Variants in PTCRA observed in about 807,000 individuals in gnomAD.
The protein encoded by PTCRA is pre T cell antigen receptor alpha, also known as pre T-cell antigen receptor alpha.
In PTCRA, 9 loss-of-function variants were observed where a neutral mutation model predicts 13.4. That is an observed-to-expected ratio of 0.67 (90% CI 0.41 to 1.18). The LOEUF is 1.18. PTCRA is among the 50% of genes most tolerant of loss of function. The probability of loss-of-function intolerance (pLI) is 0.01; values close to 1 mark genes in which losing one functional copy is unlikely to be tolerated. For synonymous variants in PTCRA, 153 were observed against 161.9 expected, an observed-to-expected ratio of 0.94 and a Z score of 0.42; for missense variants, 353 against 359.8, an observed-to-expected ratio of 0.98 and a Z score of 0.15.
chr6:42,917,385 G>C (rs1249052702), intron 1 of PTCRA, among the ~76,000 whole-genome samples: 9 of 148,606 alleles, frequency 6.1e-5, no homozygotes. Context: ...ACCACGCCCA[G>C]CTAATTTTTT....
Position 42,925,741 on chromosome 6 carries a change from A to G in PTCRA, c.*59A>G. The G allele has an allele frequency of 8.0e-7, 1 of 1,251,854 alleles. No individual in the cohort carries two copies. The highest frequency in any genetic ancestry group is 1.1e-6 in the Non-Finnish European group (1 of 922,600). The allele number at this position is 1,251,854 out of a possible 1,614,324, so 77.5% of individuals were successfully genotyped here. On this transcript the variant is annotated 3_prime_UTR_variant, in exon 4 of 4. Transcript: ENST00000304672. This position sits in a 1 kb window ranked among gnomAD's most constrained non-coding sequence, Gnocchi z 4.4. Reference sequence around the variant, plus strand: ...GTGAGGCTGTGTCTCTGCCATCCAAAAGGGGGCCCCTTGAGAATGGTGATC... The same window carrying G: ...GTGAGGCTGTGTCTCTGCCATCCAAGAGGGGGCCCCTTGAGAATGGTGATC...
chr6:42,925,443 G>C lies in PTCRA; in HGVS notation c.607G>C (p.Gly203Arg), dbSNP rs1243744054. The C allele has an allele frequency of 1.9e-6, 3 of 1,555,482 alleles. No homozygotes were observed. The highest frequency in any genetic ancestry group is 1.9e-5 in the Admixed American group (1 of 51,560). Residue 203 changes from glycine (G) to arginine (R), a missense_variant, in exon 4 of 4, where the codon GGG (glycine) becomes CGG (arginine). Transcript: ENST00000304672. This position sits in a 1 kb window ranked among gnomAD's most constrained non-coding sequence, Gnocchi z 4.4. ...TCGACTGCACCCGGCCACGGAGACT[G>C]GGGGACGAGAGGCCACCAGCTCACC... ...SHRLHPATET[G>R]GREATSSPRP...
chr6:42,917,821 A>T (rs1766951231), intron 1 of PTCRA, among the ~76,000 whole-genome samples: 1 of 151,748 alleles, frequency 6.6e-6, no homozygotes, highest in Non-Finnish European at 1.5e-5. Context: ...AAGTGCTGGG[A>T]TTACAGGCAT....
rs755076613 is a variant in PTCRA at position 42,925,269 on chromosome 6, G to C, written c.433G>C (p.Gly145Arg). The C allele has an allele frequency of 1.3e-6, 2 of 1,589,130 alleles. No individual in the cohort carries two copies. The highest frequency in any genetic ancestry group is 4.5e-5 in the East Asian group (2 of 44,530). The change falls in exon 4 of 4, where the codon GGT becomes CGT. Residue 145 changes from glycine (G) to arginine (R), a missense_variant. Physicochemically the swap from Gly to Arg is moderately radical, Grantham distance 125. Coordinates refer to ENST00000304672, the MANE Select transcript of PTCRA (RefSeq NM_138296.3). This position sits in a 1 kb window ranked among gnomAD's most constrained non-coding sequence, Gnocchi z 4.4. Reference protein sequence around the residue: ...CPQEPLRGTPGGALWLGVLRL... With the variant: ...CPQEPLRGTPRGALWLGVLRL... ...GCGGTTCCTCCTCGCAGGGACACCG[G>C]GTGGGGCGCTGTGGCTGGGGGTCCT...
At chr6:42,916,584 A>T (rs1309444107) in intron 1 of PTCRA, among the ~76,000 whole-genome samples, 1 of 152,150 alleles carries the variant, frequency 6.6e-6, no homozygotes, top group Non-Finnish European at 1.5e-5. Context: ...AATAGGACTC[A>T]GGGTGTCTCA....
At chr6:42,922,112 C>G in intron 1 of PTCRA, 1 of 652,758 alleles carries the variant, frequency 1.5e-6, no homozygotes, top group Non-Finnish European at 2.8e-6. Flanking sequence ...GCACACTCCA[C>G]CTAGATTAAC....
At chr6:42,918,598 G>A (rs1286359627) in intron 1 of PTCRA, among the ~76,000 whole-genome samples, 2 of 151,784 alleles carry the variant, frequency 1.3e-5, no homozygotes, top group African/African-American at 4.8e-5. Flanking sequence ...TAAAGACTCA[G>A]AAAATTAAGT....
intron 1 of PTCRA, among the ~76,000 whole-genome samples, chr6:42,921,824 A>G (rs1767185153): frequency 6.6e-6 from 1 of 150,834 alleles, no homozygotes; most frequent in African/African-American, 2.4e-5. Flanking sequence ...ACCTGAGGTC[A>G]GGAGTCAGAG....
At chr6:42,919,040 AT>A (rs575852291) in intron 1 of PTCRA, among the ~76,000 whole-genome samples, 4,020 of 109,124 alleles carry the variant, frequency 0.037, 174 homozygotes, top group African/African-American at 0.11. Flanking sequence ...CCGTCCACCT[AT>A]TTTTTTTTTT....
chr6:42,925,483 G>C lies in PTCRA; in HGVS notation c.647G>C (p.Arg216Pro). 6.4e-7 allele frequency: 1 copy of C among 1,559,404 alleles called. No homozygotes were observed. The highest frequency in any genetic ancestry group is 8.7e-7 in the Non-Finnish European group (1 of 1,151,036). ...EATSSPRPQP[R>P]DRRWGDTPPG... ...ACCAGCTCACCCAGACCCCAGCCTC[G>C]GGACCGCCGCTGGGGTGACACCCCT... Residue 216 changes from arginine (R) to proline (P), a missense_variant, in exon 4 of 4, where the codon CGG becomes CCG. Physicochemically the swap from Arg to Pro is moderately radical, Grantham distance 103. Transcript: ENST00000304672. This position sits in a 1 kb window ranked among gnomAD's most constrained non-coding sequence, Gnocchi z 4.4.
In PTCRA at chr6:42,925,771, CA is replaced by C. The variant is rs1767409485; in HGVS notation, c.*90del. 2 of 810,326 alleles carry C rather than the reference CA, an allele frequency of 2.5e-6. No individual in the cohort carries two copies. Among genetic ancestry groups the C allele is most frequent in the African/African-American group, 3.5e-5 (2 of 57,066 alleles). The allele number at this position is 810,326 out of a possible 1,614,324, so 50.2% of individuals were successfully genotyped here. ...GGCCCCTTGAGAATGGTGATCCACC[CA>C]GTTACAGGGGCATTTAGGGAGCAGA... On this transcript the variant is annotated 3_prime_UTR_variant, in exon 4 of 4. Transcript: ENST00000304672. The surrounding 1 kb of genome is among the most constrained non-coding windows in gnomAD (Gnocchi z 4.4).
chr6:42,919,489 G>A (rs749893270), intron 1 of PTCRA, among the ~76,000 whole-genome samples: 74 of 151,948 alleles, frequency 4.9e-4, no homozygotes, highest in Middle Eastern at 3.4e-3. Context: ...CCAGGCATGA[G>A]GATCTCTTGA....
chr6:42,925,165 A>G lies in PTCRA; in HGVS notation c.425-96A>G. 6.8e-7 allele frequency: 1 copy of G among 1,462,638 alleles called. No homozygotes were observed. 90.6% of individuals were successfully genotyped at this position (1,462,638 alleles called of 1,614,324 possible). On this transcript the variant is annotated intron_variant, in intron 3 of 3. Transcript: ENST00000304672. This position sits in a 1 kb window ranked among gnomAD's most constrained non-coding sequence, Gnocchi z 4.4. ...TTCCCTGGAGGAGGGGGTGAAGGGG[A>G]CGGGCAAGGGCAGAGGACAAGGCCC... is the stretch of plus-strand genomic sequence containing the variant.
intron 1 of PTCRA, chr6:42,922,319 A>G: frequency 1.4e-6 from 1 of 696,328 alleles, no homozygotes. Context: ...GAGTTCCTTG[A>G]GAGCAGGGAC....
chr6:42,922,515 G>A (rs974098112), intron 1 of PTCRA, among the ~76,000 whole-genome samples: 2 of 152,042 alleles, frequency 1.3e-5, no homozygotes, highest in Non-Finnish European at 2.9e-5. Flanking sequence ...TTGGGAGGAC[G>A]AGGCGGGTGG....
chr6:42,925,268 G>T lies in PTCRA; in HGVS notation c.432G>T (p.Pro144=). 1 of 1,588,728 alleles carries T rather than the reference G, an allele frequency of 6.3e-7. No individual in the cohort carries two copies. The highest frequency in any genetic ancestry group is 1.1e-5 in the South Asian group (1 of 88,928). ...AGCGGTTCCTCCTCGCAGGGACACC[G>T]GGTGGGGCGCTGTGGCTGGGGGTCC... ...TCPQEPLRGT[P]GGALWLGVLR... Residue 144 remains proline (P), a synonymous_variant, in exon 4 of 4, where the codon CCG becomes CCT. Transcript: ENST00000304672. The surrounding 1 kb of genome is among the most constrained non-coding windows in gnomAD (Gnocchi z 4.4).
intron 1 of PTCRA, among the ~76,000 whole-genome samples, chr6:42,918,627 G>A (rs1293970845): frequency 2.0e-5 from 3 of 151,924 alleles, no homozygotes; most frequent in African/African-American, 4.8e-5. Flanking sequence ...CAGGAGTCAC[G>A]CTTAGCTCTG....
At chr6:42,917,513 C>T (rs1449857476) in intron 1 of PTCRA, among the ~76,000 whole-genome samples, 2 of 143,570 alleles carry the variant, frequency 1.4e-5, no homozygotes, top group Non-Finnish European at 3.0e-5. Context: ...TGAGCCACCT[C>T]ACCCAGCCCG....
intron 1 of PTCRA, among the ~76,000 whole-genome samples, chr6:42,920,284 C>T (rs1231483497): frequency 6.6e-6 from 1 of 150,804 alleles, no homozygotes; most frequent in African/African-American, 2.4e-5. Context: ...CGCGCCACTG[C>T]ACTTGAGCCT....
Sources: allele counts gnomAD v4.1 joint callset (sites outside exome capture counted in the v4.1 genomes callset), GRCh38; gene constraint gnomAD v4.1.1; non-coding constraint Gnocchi (gnomAD v3.1); transcripts MANE v1.5; gene names NCBI Gene and HGNC (gene_info 2026-07-23, HGNC 2026-07-21).